Variants in ZSWIM5 observed in about 807,000 individuals in gnomAD.
ZSWIM5 encodes zinc finger SWIM-type containing 5.
In ZSWIM5, 55 loss-of-function variants were observed where a neutral mutation model predicts 119.6. That is an observed-to-expected ratio of 0.46 (90% confidence interval 0.37 to 0.58). ZSWIM5 has a LOEUF of 0.58. ZSWIM5 is among the 20% of genes least tolerant of loss of function. The pLI is 0.00. For synonymous variants in ZSWIM5, 537 were observed against 606.9 expected, an observed-to-expected ratio of 0.88 and a Z score of 1.69; for missense variants, 1,193 against 1,512.8, an observed-to-expected ratio of 0.79 and a Z score of 3.51.
rs760489789 is a variant in ZSWIM5, at chr1:45,027,165, G to T, written c.2450-6377C>A. On this transcript the variant is annotated intron_variant, in intron 11 of 13. Transcript: ENST00000359600. ...TTTTATTGATCTTTTCAAAGAACCG[G>T]TCTTGCTTTTATTGATTTTTGCCTA... Among the ~76,000 whole-genome samples, 97 of 151,468 alleles carry T rather than the reference G, an allele frequency of 6.4e-4. No homozygotes were observed. The Middle Eastern group carries it at 0.024, about 37-fold the overall frequency.
At position 45,019,863 on chromosome 1, in the gene ZSWIM5, G is replaced by A. The variant is rs1478082388; in HGVS notation, c.2695+203C>T. On this transcript the variant is annotated intron_variant, in intron 13 of 13. Transcript: ENST00000359600. This position sits in a 1 kb window ranked among gnomAD's most constrained non-coding sequence, Gnocchi z 5.0. Reference sequence around the variant, plus strand: ...TCAAGGGCTGCTGACATCAGGATATGGTTCAAGCAGTGAAGACAGGGCTTG... The same window carrying A: ...TCAAGGGCTGCTGACATCAGGATATAGTTCAAGCAGTGAAGACAGGGCTTG... Among the ~76,000 whole-genome samples the A allele has an allele frequency of 6.6e-6, 1 of 152,170 alleles. No individual in the cohort carries two copies. The highest frequency in any genetic ancestry group is 1.5e-5 in the Non-Finnish European group (1 of 68,020).
At chr1:45,166,189 T>G (rs951999512) in intron 1 of ZSWIM5, among the ~76,000 whole-genome samples, 12 of 152,088 alleles carry the variant, frequency 7.9e-5, no homozygotes, top group African/African-American at 2.6e-4. Context: ...ACGTAATCCA[T>G]CATATAAACA....
intron 1 of ZSWIM5, among the ~76,000 whole-genome samples, chr1:45,152,240 CA>C (rs1159450778): frequency 8.0e-5 from 12 of 149,464 alleles, no homozygotes; most frequent in Admixed American, 8.0e-4. Flanking sequence ...AAGATCTGAC[CA>C]AAAAAAAAGT....
chr1:45,040,648 C>T (rs1645013412), intron 6 of ZSWIM5, 110 bp from the exon 7 acceptor site: 2 of 870,868 alleles, frequency 2.3e-6, no homozygotes, highest in Non-Finnish European at 3.4e-6. Context: ...TTCAACCTGA[C>T]ACCTACTGTA....
chr1:45,134,856 A>G (rs768894989), intron 1 of ZSWIM5, among the ~76,000 whole-genome samples: 1 of 152,196 alleles, frequency 6.6e-6, no homozygotes, highest in Non-Finnish European at 1.5e-5. Context: ...GTGGCTGGCT[A>G]TTTCGCTTAG....
chr1:45,038,798 G>A, intron 8 of ZSWIM5, 138 bp downstream of exon 8: 1 of 998,636 alleles, frequency 1.0e-6, no homozygotes, highest in Non-Finnish European at 1.4e-6. Context: ...GTTTTGCCAT[G>A]TTGCCCAGGC....
At chr1:45,080,333 C>A (rs1645282561) in intron 2 of ZSWIM5, among the ~76,000 whole-genome samples, 1 of 152,118 alleles carries the variant, frequency 6.6e-6, no homozygotes, top group Non-Finnish European at 1.5e-5. Context: ...TCCTCTTTGG[C>A]TAGGGCTGGT....
At chr1:45,066,372 C>A (rs1046176917) in intron 2 of ZSWIM5, among the ~76,000 whole-genome samples, 1 of 152,174 alleles carries the variant, frequency 6.6e-6, no homozygotes, top group East Asian at 1.9e-4. Flanking sequence ...AGATACGGAG[C>A]TTATAGTTGG....
intron 1 of ZSWIM5, among the ~76,000 whole-genome samples, chr1:45,119,854 G>T (rs780234797): frequency 5.3e-5 from 8 of 152,104 alleles, no homozygotes; most frequent in Non-Finnish European, 7.3e-5. Context: ...ACCTCCCAGA[G>T]AAATCAGAAG....
intron 2 of ZSWIM5, among the ~76,000 whole-genome samples, chr1:45,075,139 T>G (rs1381088122): frequency 3.9e-5 from 6 of 152,030 alleles, no homozygotes. Flanking sequence ...ATGTGGTCTA[T>G]CTTTGAGAAT....
At position 45,175,940 on chromosome 1, in the gene ZSWIM5, C is replaced by G. The variant is rs760611154; in HGVS notation, c.595+29816G>C. On this transcript the variant is annotated intron_variant, in intron 1 of 13. Coordinates refer to ENST00000359600, the MANE Select transcript of ZSWIM5 (RefSeq NM_020883.2). ...CTATAATTCTTTAAGAACCTCCCTG[C>G]TTTCTGGCACAAGAACATGTTCAAG... Among the ~76,000 whole-genome samples, 9 of 151,816 alleles carry G rather than the reference C, an allele frequency of 5.9e-5. 1 individual carries two copies. The highest frequency in any genetic ancestry group is 1.3e-4 in the Non-Finnish European group (9 of 67,942).
chr1:45,205,666 G>T, intron 1 of ZSWIM5, 90 bp downstream of exon 1: 1 of 1,319,836 alleles, frequency 7.6e-7, no homozygotes. Context: ...TGGGCAGAAG[G>T]CCGGGGTCTC....
chr1:45,193,923 T>TATATCTACC (rs1646106705), intron 1 of ZSWIM5, among the ~76,000 whole-genome samples: 1 of 150,672 alleles, frequency 6.6e-6, no homozygotes, highest in African/African-American at 2.5e-5. Flanking sequence ...TATGTGTACA[T>TATATCTACC]ATGTGTGCAT....
intron 1 of ZSWIM5, among the ~76,000 whole-genome samples, chr1:45,143,003 T>G (rs1645736329): frequency 1.4e-5 from 2 of 146,080 alleles, no homozygotes; most frequent in East Asian, 2.0e-4. Context: ...AAACCCTGTC[T>G]CTACCAAAAA....
intron 1 of ZSWIM5, among the ~76,000 whole-genome samples, chr1:45,128,215 TTCTTTCTCTC>T (rs1207768291): frequency 1.3e-5 from 2 of 152,104 alleles, no homozygotes; most frequent in African/African-American, 4.8e-5. Context: ...TCTACACTCT[TTCTTTCTCTC>T]TCTTTCTTTC....
intron 10 of ZSWIM5, 85 bp downstream of exon 10, chr1:45,035,602 GA>G: frequency 6.5e-7 from 1 of 1,528,912 alleles, no homozygotes; most frequent in Non-Finnish European, 8.9e-7. Context: ...AAGAGGGAAA[GA>G]AAAGAAAGTG....
At chr1:45,060,713 C>A (rs1269191224) in intron 2 of ZSWIM5, among the ~76,000 whole-genome samples, 1 of 152,096 alleles carries the variant, frequency 6.6e-6, no homozygotes, top group South Asian at 2.1e-4. Flanking sequence ...ACTCTGTCAC[C>A]CAGGCTGCTG....
At chr1:45,058,567 A>G (rs1645135700) in intron 4 of ZSWIM5, 42 bp downstream of exon 4, 1 of 1,611,586 alleles carries the variant, frequency 6.2e-7, no homozygotes, top group Admixed American at 1.7e-5. Context: ...CCACAGGGCA[A>G]GATGGTAGAA....
intron 11 of ZSWIM5, among the ~76,000 whole-genome samples, chr1:45,033,400 A>T (rs1644964441): frequency 6.6e-6 from 1 of 152,206 alleles, no homozygotes. Context: ...TTTTAATTAA[A>T]AAATAACTTC....
Sources: allele counts gnomAD v4.1 joint callset (sites outside exome capture counted in the v4.1 genomes callset), GRCh38; gene constraint gnomAD v4.1.1; non-coding constraint Gnocchi (gnomAD v3.1); transcripts MANE v1.5; gene names NCBI Gene and HGNC (gene_info 2026-07-23, HGNC 2026-07-21).